SMURF2: variants seen among roughly 807,000 people sequenced by gnomAD.
SMURF2 encodes the protein SMAD specific E3 ubiquitin protein ligase 2, also known as E3 ubiquitin-protein ligase SMURF2.
In SMURF2, 48 loss-of-function variants were observed where a neutral mutation model predicts 109.6. The ratio of observed to expected loss-of-function variants is 0.44; its 90% CI spans 0.35 to 0.56. The LOEUF is 0.56. SMURF2 is among the 20% of genes least tolerant of loss of function. The pLI is 0.01. For synonymous variants in SMURF2, 288 were observed against 317.1 expected, an observed-to-expected ratio of 0.91 and a Z score of 0.97; for missense variants, 575 against 909.0, an observed-to-expected ratio of 0.63 and a Z score of 4.72.
chr17:64,595,815 T>C (rs1969808609), intron 3 of SMURF2, among the ~76,000 whole-genome samples: 1 of 152,168 alleles, frequency 6.6e-6, no homozygotes, highest in African/African-American at 2.4e-5. Context: ...TACAACTTCA[T>C]ACCCACTAGG....
Position 64,606,943 on chromosome 17 carries a change from T to C in SMURF2, c.53-303A>G, listed in dbSNP as rs781993540. On this transcript the variant is annotated intron_variant, in intron 1 of 18. Transcript: ENST00000262435. The stretch of plus-strand genomic sequence containing the variant: ...TACTCTCTGAGAAACTCAGTGGCAA[T>C]AGGAAAAATAGTTCAAAGGAGATAT... 5.3e-5 allele frequency among the ~76,000 whole-genome samples: 8 copies of C among 152,182 alleles called. No homozygotes were observed. In the East Asian group the frequency reaches 9.6e-4, roughly 18 times the overall value.
At chr17:64,584,596 G>A (rs1392993398) in intron 6 of SMURF2, among the ~76,000 whole-genome samples, 7 of 151,524 alleles carry the variant, frequency 4.6e-5, no homozygotes, top group African/African-American at 1.5e-4. Flanking sequence ...TGACCATGTA[G>A]TCCTCCCGCC....
intron 1 of SMURF2, among the ~76,000 whole-genome samples, chr17:64,619,080 A>C (rs1053621137): frequency 7.2e-5 from 11 of 152,220 alleles, no homozygotes; most frequent in African/African-American, 2.7e-4. Context: ...AGAGAACATG[A>C]GACCAGTACC....
intron 1 of SMURF2, among the ~76,000 whole-genome samples, chr17:64,654,616 G>C (rs1464801149): frequency 2.0e-5 from 3 of 151,850 alleles, no homozygotes; most frequent in African/African-American, 7.3e-5. Flanking sequence ...GATCACCTGA[G>C]GTCAGGAGTT....
At chr17:64,598,669 C>T (rs558522715) in intron 2 of SMURF2, among the ~76,000 whole-genome samples, 179 bp from the exon 3 acceptor site, 1 of 152,202 alleles carries the variant, frequency 6.6e-6, no homozygotes, top group East Asian at 1.9e-4. Flanking sequence ...ACATTAAATA[C>T]CAAAACTATA....
chr17:64,653,534 G>A (rs1373103672), intron 1 of SMURF2, among the ~76,000 whole-genome samples: 4 of 151,878 alleles, frequency 2.6e-5, no homozygotes, highest in African/African-American at 9.7e-5. Flanking sequence ...CAGCACCGCA[G>A]CCTTAACTTC....
At chr17:64,631,264 G>A (rs1439058590) in intron 1 of SMURF2, among the ~76,000 whole-genome samples, 1 of 12,000 alleles carries the variant, frequency 8.3e-5, no homozygotes, top group Non-Finnish European at 3.0e-4. Flanking sequence ...GGAGGTGGGG[G>A]GGAGAGAGGG....
chr17:64,550,430 G>T lies in SMURF2; in HGVS notation c.1869+1154C>A, dbSNP rs1555683495. On this transcript the variant is annotated intron_variant, in intron 16 of 18. Coordinates refer to ENST00000262435, the MANE Select transcript of SMURF2 (RefSeq NM_022739.4). ...ATTACAAAACCTGGGGTGTTTAAGG[G>T]CCAGCTTTAAAAGGAAACAAAAAAC... is the stretch of plus-strand genomic sequence containing the variant. Among the ~76,000 whole-genome samples the T allele has an allele frequency of 2.0e-5, 3 of 152,222 alleles. No homozygotes were observed. In the South Asian group the frequency reaches 6.2e-4, roughly 32 times the overall value.
chr17:64,602,552 G>A (rs1484752059), intron 2 of SMURF2, among the ~76,000 whole-genome samples: 1 of 152,124 alleles, frequency 6.6e-6, no homozygotes, highest in African/African-American at 2.4e-5. Context: ...TTACTCCCAT[G>A]TGGTCAAAAA....
At chr17:64,591,248 T>C (rs1969747999) in intron 4 of SMURF2, 99 bp from the exon 5 acceptor site, 3 of 843,664 alleles carry the variant, frequency 3.6e-6, no homozygotes. Context: ...CCATTAGAAA[T>C]CAAACCTATC....
chr17:64,573,112 T>C (rs1969422002), intron 9 of SMURF2: 1 of 122,586 alleles, frequency 8.2e-6, no homozygotes, highest in Admixed American at 8.9e-5. Flanking sequence ...TGGTCCTCTT[T>C]TTATTAAAAA....
intron 2 of SMURF2, among the ~76,000 whole-genome samples, chr17:64,602,653 GCA>G (rs1459180682): frequency 1.3e-5 from 2 of 152,166 alleles, no homozygotes; most frequent in Non-Finnish European, 2.9e-5. Context: ...TCTCAGCCAG[GCA>G]CAGTGGCTCA....
intron 2 of SMURF2, among the ~76,000 whole-genome samples, chr17:64,602,037 T>C (rs1969905934): frequency 6.6e-6 from 1 of 151,694 alleles, no homozygotes; most frequent in Admixed American, 6.6e-5. Flanking sequence ...GCAACCTGGA[T>C]AAAATTGGAG....
intron 6 of SMURF2, among the ~76,000 whole-genome samples, chr17:64,584,175 G>A (rs1284440969): frequency 2.6e-5 from 4 of 151,220 alleles, no homozygotes; most frequent in South Asian, 2.1e-4. Context: ...AAAATTAGCC[G>A]GGCGTGGTAG....
intron 1 of SMURF2, among the ~76,000 whole-genome samples, chr17:64,642,368 T>C (rs540748825): frequency 1.9e-4 from 29 of 152,208 alleles, no homozygotes; most frequent in Non-Finnish European, 2.5e-4. Flanking sequence ...GATTCTTCTA[T>C]AGCAAAAGAG....
chr17:64,647,506 T>A (rs1232246548), intron 1 of SMURF2, among the ~76,000 whole-genome samples: 7 of 151,890 alleles, frequency 4.6e-5, no homozygotes, highest in African/African-American at 1.7e-4. Context: ...GGTGAAACCC[T>A]GTCTCTACTA....
At chr17:64,608,968 A>G (rs1397602249) in intron 1 of SMURF2, among the ~76,000 whole-genome samples, 1 of 152,194 alleles carries the variant, frequency 6.6e-6, no homozygotes, top group African/African-American at 2.4e-5. Flanking sequence ...AAGAAAATAA[A>G]TGTGCAAAAA....
intron 1 of SMURF2, among the ~76,000 whole-genome samples, chr17:64,642,711 T>G (rs1027602943): frequency 4.6e-5 from 7 of 152,234 alleles, no homozygotes; most frequent in Non-Finnish European, 2.9e-5. Flanking sequence ...CAAATATTAG[T>G]ATGAATGAGT....
rs547735420 is a variant in SMURF2 at position 64,611,141 on chromosome 17, T to C, written c.53-4501A>G. Among the ~76,000 whole-genome samples the C allele has an allele frequency of 5.9e-5, 9 of 152,358 alleles. No individual in the cohort carries two copies. In the East Asian group the frequency reaches 1.5e-3, roughly 26 times the overall value. On this transcript the variant is annotated intron_variant, in intron 1 of 18. Coordinates refer to ENST00000262435, the MANE Select transcript of SMURF2 (RefSeq NM_022739.4). ...GGTTCTCTTATTTCACTCTGTAACCTGAGGATCACAGTGTCCATTTTTGTA... is the reference window on the plus strand; with the variant it reads ...GGTTCTCTTATTTCACTCTGTAACCCGAGGATCACAGTGTCCATTTTTGTA...
Sources: gnomAD v4.1 joint callset for allele counts (sites outside exome capture counted in the v4.1 genomes callset) on GRCh38, gnomAD v4.1.1 for gene constraint, MANE v1.5 for transcripts, NCBI Gene and HGNC (gene_info 2026-07-23, HGNC 2026-07-21) for gene names.